CACNA2D2: variants seen among roughly 807,000 people sequenced by gnomAD.
The protein encoded by CACNA2D2 is calcium voltage-gated channel auxiliary subunit alpha2delta 2, also known as voltage-dependent calcium channel subunit alpha-2/delta-2.
In CACNA2D2, 48 loss-of-function variants were observed where a neutral mutation model predicts 166.4. That is an observed-to-expected ratio of 0.29 (90% CI 0.23 to 0.37). The LOEUF is 0.37. CACNA2D2 is among the 10% of genes least tolerant of loss of function. The pLI is 1.00. For missense variants in CACNA2D2, 1,122 were observed against 1,433.0 expected, an observed-to-expected ratio of 0.78 and a Z score of 3.50; for synonymous variants, 561 against 573.7, an observed-to-expected ratio of 0.98 and a Z score of 0.32.
chr3:50,463,433 G>A (rs550375340), intron 2 of CACNA2D2, among the ~76,000 whole-genome samples: 15 of 152,268 alleles, frequency 9.9e-5, no homozygotes, highest in Admixed American at 9.8e-4. Context: ...CCAGTGGCTG[G>A]GACCACAGGT....
intron 4 of CACNA2D2, among the ~76,000 whole-genome samples, chr3:50,389,166 GC>G (rs1297853445): frequency 3.3e-5 from 5 of 152,224 alleles, no homozygotes; most frequent in Non-Finnish European, 7.3e-5. Context: ...TGGGGCGGGG[GC>G]GGAGGCCGGG....
At chr3:50,477,478 C>T (rs948891315) in intron 1 of CACNA2D2, among the ~76,000 whole-genome samples, 1 of 152,154 alleles carries the variant, frequency 6.6e-6, no homozygotes, top group Admixed American at 6.5e-5. Context: ...GATACATGAC[C>T]CACTCCCTTA....
At chr3:50,448,558 T>C (rs933828729) in intron 2 of CACNA2D2, among the ~76,000 whole-genome samples, 5 of 152,122 alleles carry the variant, frequency 3.3e-5, no homozygotes, top group African/African-American at 7.2e-5. Flanking sequence ...GATGCACATA[T>C]GTATCCTGGT....
rs1026106792 is a variant in CACNA2D2 at position 50,365,304 on chromosome 3, C to T, written c.3098+52G>A. 1.9e-6 allele frequency: 3 copies of T among 1,603,194 alleles called. No individual in the cohort carries two copies. The African/African-American group carries it at 4.0e-5, about 22-fold the overall frequency. On this transcript the variant is annotated intron_variant, in intron 35 of 37. Transcript: ENST00000424201. This position sits in a 1 kb window ranked among gnomAD's most constrained non-coding sequence, Gnocchi z 4.5. ...CCCTTCCATCCTCCCGAGCGTCTCG[C>T]CCCGCTCACAGGTTCCGCCCTTGGC... is the stretch of plus-strand genomic sequence containing the variant.
intron 4 of CACNA2D2, among the ~76,000 whole-genome samples, chr3:50,392,291 G>A (rs986838076): frequency 7.2e-5 from 11 of 152,200 alleles, no homozygotes; most frequent in Non-Finnish European, 1.5e-4. Flanking sequence ...GGCTGGTGTT[G>A]GGCTCTTGGA....
intron 1 of CACNA2D2, among the ~76,000 whole-genome samples, chr3:50,487,948 G>T (rs1698360398): frequency 1.3e-5 from 2 of 152,126 alleles, no homozygotes; most frequent in South Asian, 4.1e-4. Flanking sequence ...CCTGTCCTTG[G>T]GAGCTTGGAA....
intron 3 of CACNA2D2, among the ~76,000 whole-genome samples, chr3:50,395,477 C>A (rs942055206): frequency 6.6e-6 from 1 of 152,156 alleles, no homozygotes; most frequent in Non-Finnish European, 1.5e-5. Context: ...CCACCCCACC[C>A]TGTCCCACAG....
Position 50,364,399 on chromosome 3 carries a change from C to T in CACNA2D2, c.*267G>A, listed in dbSNP as rs896272153. On this transcript the variant is annotated 3_prime_UTR_variant, in exon 38 of 38. Transcript: ENST00000424201. ...AGTGCGTGTGGCCTCCCTGTCCCAT[C>T]CCACTGGGGGGAGCCCAGCAGGCAA... 1.1e-5 allele frequency: 5 copies of T among 467,176 alleles called. No individual in the cohort carries two copies. The highest frequency in any genetic ancestry group is 1.0e-4 in the African/African-American group (5 of 49,446). The allele number at this position is 467,176 out of a possible 1,614,324, so 28.9% of individuals were successfully genotyped here.
chr3:50,374,868 C>T lies in CACNA2D2; in HGVS notation c.1908-55G>A, dbSNP rs72934827. The T allele has an allele frequency of 6.2e-3, 8,725 of 1,411,550 alleles. 469 individuals are homozygous for T. The African/African-American group carries it at 0.11, about 18-fold the overall frequency. The allele number at this position is 1,411,550 out of a possible 1,614,324, so 87.4% of individuals were successfully genotyped here. ...GGGGGGAGGCGGGCCACACTGGCAC[C>T]CCCTCCCCATGGCCTTGGAGCTGGG... On this transcript the variant is annotated intron_variant, in intron 21 of 37. Transcript: ENST00000424201.
At chr3:50,457,214 C>T (rs915777752) in intron 2 of CACNA2D2, among the ~76,000 whole-genome samples, 3 of 152,166 alleles carry the variant, frequency 2.0e-5, no homozygotes, top group Admixed American at 2.0e-4. Context: ...TGCACCACTG[C>T]ACTCCAGCCT....
chr3:50,467,333 C>T (rs533355395), intron 2 of CACNA2D2, among the ~76,000 whole-genome samples: 1 of 152,198 alleles, frequency 6.6e-6, no homozygotes, highest in East Asian at 1.9e-4. Flanking sequence ...TCTCCTAGGG[C>T]ATCTGGCATC....
At chr3:50,466,702 G>A (rs1709841933) in intron 2 of CACNA2D2, among the ~76,000 whole-genome samples, 1 of 152,212 alleles carries the variant, frequency 6.6e-6, no homozygotes, top group African/African-American at 2.4e-5. Flanking sequence ...GTGGATCACG[G>A]GACCAAGAAT....
chr3:50,449,690 G>A (rs542454380), intron 2 of CACNA2D2, among the ~76,000 whole-genome samples: 7 of 152,320 alleles, frequency 4.6e-5, no homozygotes, highest in South Asian at 2.1e-4. Flanking sequence ...GTCTTAAAGC[G>A]TGGCCCTGTG....
chr3:50,478,185 T>A (rs934202589), intron 1 of CACNA2D2, among the ~76,000 whole-genome samples: 2 of 152,214 alleles, frequency 1.3e-5, no homozygotes, highest in African/African-American at 4.8e-5. Flanking sequence ...GAGGCCAGGC[T>A]GCAGGCTGGG....
intron 2 of CACNA2D2, among the ~76,000 whole-genome samples, chr3:50,462,427 A>AATG (rs796350984): frequency 2.1e-5 from 3 of 144,486 alleles, no homozygotes; most frequent in Non-Finnish European, 4.5e-5. Context: ...TAATAATAAT[A>AATG]ATAATGATAA....
chr3:50,429,358 G>A (rs143935960), intron 3 of CACNA2D2, among the ~76,000 whole-genome samples: 159 of 152,192 alleles, frequency 1.0e-3, no homozygotes, highest in Admixed American at 2.5e-3. Context: ...AGGATTCAGA[G>A]CAATACAGAG....
intron 3 of CACNA2D2, among the ~76,000 whole-genome samples, chr3:50,407,473 G>A (rs1051801958): frequency 6.6e-6 from 1 of 152,196 alleles, no homozygotes; most frequent in African/African-American, 2.4e-5. Flanking sequence ...TGGAATGGGT[G>A]CTTGTCCACT....
intron 3 of CACNA2D2, among the ~76,000 whole-genome samples, chr3:50,421,940 A>C (rs907788502): frequency 1.2e-4 from 18 of 152,026 alleles, no homozygotes; most frequent in Non-Finnish European, 2.2e-4. Context: ...CTGAGGAAGG[A>C]ATACGAGAGG....
At position 50,377,809 on chromosome 3, in the gene CACNA2D2, G is replaced by A. The variant is rs1575600487; in HGVS notation, c.1480-6C>T. 1.2e-6 allele frequency: 2 copies of A among 1,611,904 alleles called. No individual in the cohort carries two copies. Among genetic ancestry groups the A allele is most frequent in the Non-Finnish European group, 8.5e-7 (1 of 1,178,862 alleles). On this transcript the variant is annotated splice_polypyrimidine_tract_variant and splice_region_variant and intron_variant, in intron 15 of 37. Transcript: ENST00000424201. ...GTTACCACCAACCCCAGTCCCTGAA[G>A]GGAGAGGAAGATGATGGAGTCACCT...
Sources: gnomAD v4.1 joint callset for allele counts (sites outside exome capture counted in the v4.1 genomes callset) on GRCh38, gnomAD v4.1.1 for gene constraint, Gnocchi (gnomAD v3.1) non-coding constraint, MANE v1.5 for transcripts, NCBI Gene and HGNC (gene_info 2026-07-23, HGNC 2026-07-21) for gene names.